Variants in IRAG2 observed in about 807,000 individuals in gnomAD.
IRAG2 encodes lymphoid restricted membrane protein.
Under a neutral mutation model 69.9 loss-of-function variants are expected in IRAG2, and 45 were observed. The ratio of observed to expected loss-of-function variants is 0.64; its 90% CI spans 0.51 to 0.83. The LOEUF (loss-of-function observed/expected upper bound fraction) is 0.83. IRAG2 is among the 40% of genes least tolerant of loss of function. The probability of loss-of-function intolerance (pLI) is 0.00; values close to 1 mark genes in which losing one functional copy is unlikely to be tolerated. For missense variants in IRAG2, 520 were observed against 587.0 expected (o/e 0.89, Z 1.18); for synonymous variants, 193 against 202.4 (o/e 0.95, Z 0.40).
chr12:25,079,615 A>G, intron 8 of IRAG2, 41 bp from the exon 9 acceptor site: 4 of 1,303,920 alleles, frequency 3.1e-6, no homozygotes, highest in Non-Finnish European at 4.5e-6. Flanking sequence ...ATATAATATT[A>G]TGTGCATAGT....
chr12:25,099,829 G>A (rs757885183), intron 15 of IRAG2, among the ~76,000 whole-genome samples: 3 of 151,490 alleles, frequency 2.0e-5, no homozygotes, highest in South Asian at 2.1e-4. Flanking sequence ...GTAAAACCCC[G>A]TCTCTACTAA....
In IRAG2 at chr12:25,090,122, G is replaced by A. The variant is rs533899915; in HGVS notation, c.531G>A (p.Lys177=). 1.2e-6 allele frequency: 2 copies of A among 1,613,872 alleles called. No homozygotes were observed. The highest frequency in any genetic ancestry group is 2.2e-5 in the South Asian group (2 of 91,078). ...GGTTTACCTTGGAGAAGAGAGTGAA[G>A]CTTGAAGAGAGGTCCCGTGACTTGG... is the stretch of plus-strand genomic sequence containing the variant. The part of the protein sequence containing the change: ...CDWFTLEKRV[K]LEERSRDLAE... Residue 177 remains lysine, a synonymous_variant, in exon 14 of 22, where the codon AAG becomes AAA. Transcript: ENST00000556887.
chr12:25,077,308 G>T (rs1320975234), intron 6 of IRAG2, among the ~76,000 whole-genome samples: 2 of 17,658 alleles, frequency 1.1e-4, no homozygotes, highest in Non-Finnish European at 2.4e-4. Flanking sequence ...AAATATATAT[G>T]ATATATATGA....
At chr12:25,076,677 T>C (rs938353212) in intron 6 of IRAG2, 6 of 901,518 alleles carry the variant, frequency 6.7e-6, no homozygotes, top group Non-Finnish European at 8.0e-6. Context: ...GTGTGTAGTG[T>C]TTTTTAGTTA....
At chr12:25,014,174 C>G (rs1944502226) in intron 3 of IRAG2, among the ~76,000 whole-genome samples, 1 of 151,460 alleles carries the variant, frequency 6.6e-6, no homozygotes, top group Non-Finnish European at 1.5e-5. Context: ...CAGGCCCGGC[C>G]TAATTTTTTG....
chr12:25,028,715 T>A (rs1944644930), intron 9 of IRAG2, among the ~76,000 whole-genome samples: 1 of 152,168 alleles, frequency 6.6e-6, no homozygotes. Flanking sequence ...AATGGCTTAT[T>A]TGAGAAATAT....
intron 3 of IRAG2, among the ~76,000 whole-genome samples, chr12:25,011,968 G>C (rs931994984): frequency 6.6e-6 from 1 of 152,086 alleles, no homozygotes; most frequent in South Asian, 2.1e-4. Flanking sequence ...AAGGGCAGTG[G>C]GGCTAGTCAG....
In IRAG2 at chr12:25,108,125, G is replaced by GTAACT; in HGVS notation, c.*67_*71dup. On this transcript the variant is annotated 3_prime_UTR_variant, in exon 22 of 22. Coordinates refer to ENST00000556887, the MANE Select transcript of IRAG2 (RefSeq NM_001366544.2). Reference sequence around the variant, plus strand: ...TTCAGTATCTGAACTTCGTAAATTAGTAACTTTTAGCTGGGAAAGTATAGC... The same window carrying GTAACT: ...TTCAGTATCTGAACTTCGTAAATTAGTAACTTAACTTTTAGCTGGGAAAGTATAGC... The GTAACT allele has an allele frequency of 6.4e-7, 1 of 1,552,512 alleles. No homozygotes were observed. Among genetic ancestry groups the GTAACT allele is most frequent in the African/African-American group, 1.4e-5 (1 of 73,566 alleles).
intron 14 of IRAG2, chr12:25,092,621 A>G (rs956081802): frequency 1.3e-5 from 2 of 151,720 alleles, no homozygotes; most frequent in Non-Finnish European, 2.9e-5. Flanking sequence ...GTAGCATAAG[A>G]GTAATCTTTC....
intron 11 of IRAG2, 103 bp downstream of exon 11, chr12:25,088,260 C>A: frequency 2.2e-6 from 2 of 914,332 alleles, no homozygotes; most frequent in Non-Finnish European, 3.5e-6. Flanking sequence ...ACAAATTCTG[C>A]ATCTCTGGAT....
chr12:25,062,783 C>T (rs892879025), intron 2 of IRAG2, 37 bp from the exon 3 acceptor site: 2 of 398,732 alleles, frequency 5.0e-6, no homozygotes, highest in African/African-American at 4.1e-5. Flanking sequence ...TTTCATCATT[C>T]TGTCTTTGAA....
At chr12:25,049,463 TG>T (rs1228649268), upstream of IRAG2, among the ~76,000 whole-genome samples, 3 of 152,156 alleles carry the variant, frequency 2.0e-5, no homozygotes, top group Non-Finnish European at 4.4e-5. Flanking sequence ...CCTTCACTTA[TG>T]GGGTTAATAT....
chr12:25,035,738 G>C lies in IRAG2; in HGVS notation c.1829G>C (p.Arg610Thr), dbSNP rs537088132. The C allele has an allele frequency of 1.0e-5, 4 of 399,000 alleles. No individual in the cohort carries two copies. In the East Asian group the frequency reaches 1.4e-4, roughly 14 times the overall value. 24.7% of individuals were successfully genotyped at this position (399,000 alleles called of 1,614,324 possible). A position where few individuals can be genotyped will look rare whatever the true frequency, so the allele number is the denominator to read the frequency against. The change falls in exon 14 of 39, where the codon AGA (arginine) becomes ACA (threonine). Residue 610 changes from arginine (R) to threonine (T), a missense_variant. Coordinates refer to the IRAG2 transcript ENST00000636465. ...GATCAGGAAATGCTGCTATTACTAA[G>C]AGAGCCCGCACAGAAGGCAGTGGAA... is the stretch of plus-strand genomic sequence containing the variant.
chr12:25,019,611 G>A (rs1033889548), intron 6 of IRAG2, among the ~76,000 whole-genome samples: 4 of 152,172 alleles, frequency 2.6e-5, no homozygotes, highest in African/African-American at 4.8e-5. Context: ...TCCTCTGCCA[G>A]TGGAGCTTGG....
chr12:25,101,852 C>T, intron 16 of IRAG2: 1 of 500,006 alleles, frequency 2.0e-6, no homozygotes, highest in African/African-American at 1.9e-5. Flanking sequence ...GAGCAGAATT[C>T]TTATTTCAAG....
chr12:25,097,298 A>C (rs1948478982), intron 15 of IRAG2: 1 of 341,522 alleles, frequency 2.9e-6, no homozygotes, highest in African/African-American at 2.2e-5. Context: ...ATAGTGTTAT[A>C]ATATAGTGTT....
rs1204290933 is a variant in IRAG2 at position 25,096,924 on chromosome 12, G to A, written c.621G>A (p.Leu207=). Residue 207 remains leucine, a synonymous_variant, in exon 15 of 22, where the codon CTG becomes CTA. Coordinates refer to ENST00000556887, the MANE Select transcript of IRAG2 (RefSeq NM_001366544.2). ...CLKLLESLTP[L]CEDDNQAQEI... is the part of the protein sequence containing the mutation. ...TTTCTATACAGTCTTTAACACCTCT[G>A]TGTGAAGATGACAACCAGGCACAGG... 6 of 1,613,004 alleles carry A rather than the reference G, an allele frequency of 3.7e-6. No individual in the cohort carries two copies. Among genetic ancestry groups the A allele is most frequent in the South Asian group, 2.2e-5 (2 of 90,888 alleles).
At chr12:25,078,101 G>A (rs904297674) in intron 6 of IRAG2, among the ~76,000 whole-genome samples, 24 of 152,166 alleles carry the variant, frequency 1.6e-4, no homozygotes, top group African/African-American at 5.3e-4. Context: ...CTGGTCTTGG[G>A]AAATTACCTT....
intron 14 of IRAG2, among the ~76,000 whole-genome samples, chr12:25,091,811 G>A (rs991605183): frequency 6.6e-6 from 1 of 152,132 alleles, no homozygotes; most frequent in Non-Finnish European, 1.5e-5. Flanking sequence ...CCTAATGGAT[G>A]TGAGGTGGTA....
Sources: allele counts gnomAD v4.1 joint callset (sites outside exome capture counted in the v4.1 genomes callset), GRCh38; gene constraint gnomAD v4.1.1; transcripts MANE v1.5; gene names NCBI Gene and HGNC (gene_info 2026-07-23, HGNC 2026-07-21).